Variants in NRG3 observed in about 807,000 individuals in gnomAD.
NRG3 encodes the protein pro-neuregulin-3, membrane-bound isoform.
Under a neutral mutation model 66.9 loss-of-function variants are expected in NRG3, and 31 were observed. That is an observed-to-expected ratio of 0.46 (90% CI 0.35 to 0.63). The LOEUF (loss-of-function observed/expected upper bound fraction) is 0.63. NRG3 is among the 20% of genes least tolerant of loss of function. The pLI, the probability that NRG3 is intolerant of heterozygous loss-of-function variation, is 0.00. For missense variants in NRG3, 910 were observed against 878.9 expected (o/e 1.04, Z -0.45); for synonymous variants, 393 against 359.4 (o/e 1.09, Z -1.06).
At chr10:82,362,848 G>T (rs2084276598) in intron 2 of NRG3, among the ~76,000 whole-genome samples, 1 of 152,072 alleles carries the variant, frequency 6.6e-6, no homozygotes, top group South Asian at 2.1e-4. Context: ...AATAGAATCA[G>T]AAGTGTATGT....
intron 2 of NRG3, among the ~76,000 whole-genome samples, chr10:82,701,058 T>C (rs2055833801): frequency 6.6e-6 from 1 of 151,938 alleles, no homozygotes; most frequent in African/African-American, 2.4e-5. Context: ...TAATAAATTA[T>C]ATATTATAGA....
At chr10:82,865,713 A>G (rs148003276) in intron 4 of NRG3, among the ~76,000 whole-genome samples, 369 of 152,274 alleles carry the variant, frequency 2.4e-3, no homozygotes, top group African/African-American at 8.5e-3. Context: ...CTAATTCTCA[A>G]TTTTCATATC....
At chr10:82,505,691 A>G (rs187260689) in intron 2 of NRG3, among the ~76,000 whole-genome samples, 1 of 152,298 alleles carries the variant, frequency 6.6e-6, no homozygotes, top group East Asian at 1.9e-4. Flanking sequence ...GGATACTGCA[A>G]TGCAAAGTCT....
At chr10:82,317,189 C>G (rs941384254) in intron 1 of NRG3, among the ~76,000 whole-genome samples, 1 of 150,002 alleles carries the variant, frequency 6.7e-6, no homozygotes, top group Non-Finnish European at 1.5e-5. Context: ...TTCAATATGT[C>G]TAAGGTAGAA....
chr10:82,261,763 T>C (rs1032804165), intron 1 of NRG3, among the ~76,000 whole-genome samples: 1 of 152,208 alleles, frequency 6.6e-6, no homozygotes, highest in Non-Finnish European at 1.5e-5. Flanking sequence ...TCACTCATGC[T>C]ATTTTTTTGT....
At chr10:82,898,695 T>G (rs984692070) in intron 4 of NRG3, among the ~76,000 whole-genome samples, 2 of 149,878 alleles carry the variant, frequency 1.3e-5, no homozygotes, top group African/African-American at 4.9e-5. Flanking sequence ...TGGGGCTGAA[T>G]AGAAGGCCAG....
chr10:82,197,640 G>T (rs2074516534), intron 1 of NRG3, among the ~76,000 whole-genome samples: 1 of 152,072 alleles, frequency 6.6e-6, no homozygotes, highest in Non-Finnish European at 1.5e-5. Flanking sequence ...TGTTATGCCT[G>T]TATTTGTGTA....
At chr10:82,097,418 ATCTGT>A (rs1172320792) in intron 1 of NRG3, among the ~76,000 whole-genome samples, 2 of 79,878 alleles carry the variant, frequency 2.5e-5, no homozygotes, top group African/African-American at 1.2e-4. Flanking sequence ...ATATATATAT[ATCTGT>A]AATATATATA....
intron 1 of NRG3, among the ~76,000 whole-genome samples, chr10:82,242,717 TGA>T: frequency 6.6e-6 from 1 of 151,998 alleles, no homozygotes; most frequent in African/African-American, 2.4e-5. Context: ...GGTGGGGGTG[TGA>T]GAGAGAGTAA....
chr10:82,521,542 G>A (rs1015934587), intron 2 of NRG3, among the ~76,000 whole-genome samples: 2 of 151,884 alleles, frequency 1.3e-5, no homozygotes, highest in East Asian at 1.9e-4. Context: ...GGGTTTCACC[G>A]TGTTAGCCAG....
chr10:82,388,761 C>A (rs2086171102), intron 2 of NRG3, among the ~76,000 whole-genome samples: 1 of 152,166 alleles, frequency 6.6e-6, no homozygotes, highest in Admixed American at 6.5e-5. Flanking sequence ...CTTCCTGTGT[C>A]CCCAAGATGG....
chr10:82,461,621 A>G (rs2091519145), intron 2 of NRG3, among the ~76,000 whole-genome samples: 1 of 152,220 alleles, frequency 6.6e-6, no homozygotes, highest in African/African-American at 2.4e-5. Flanking sequence ...CACATATTCA[A>G]GCTGGTATTT....
intron 2 of NRG3, among the ~76,000 whole-genome samples, chr10:82,718,359 A>G (rs895113966): frequency 8.5e-5 from 13 of 152,340 alleles, no homozygotes; most frequent in African/African-American, 3.1e-4. Flanking sequence ...CAAGAACACG[A>G]TGATCATATT....
At chr10:82,371,937 C>T (rs1179537578) in intron 2 of NRG3, among the ~76,000 whole-genome samples, 1 of 152,116 alleles carries the variant, frequency 6.6e-6, no homozygotes, top group Non-Finnish European at 1.5e-5. Context: ...TCAAATACCT[C>T]CCAATAGGCC....
intron 1 of NRG3, among the ~76,000 whole-genome samples, chr10:82,009,962 A>C (rs1041588664): frequency 3.9e-5 from 6 of 152,202 alleles, no homozygotes; most frequent in Non-Finnish European, 7.3e-5. Flanking sequence ...TACTCAGTGA[A>C]AGAAGTAGAA....
intron 1 of NRG3, among the ~76,000 whole-genome samples, chr10:82,156,909 C>T (rs2071233363): frequency 6.6e-6 from 1 of 151,690 alleles, no homozygotes; most frequent in Non-Finnish European, 1.5e-5. Flanking sequence ...CATAGGAGTT[C>T]ATACATGGGG....
intron 1 of NRG3, among the ~76,000 whole-genome samples, chr10:81,998,435 T>C (rs188916342): frequency 1.3e-5 from 2 of 152,286 alleles, no homozygotes; most frequent in East Asian, 3.9e-4. Flanking sequence ...GGTATGCTGT[T>C]GTCTTCATGT....
chr10:82,398,534 A>T lies in NRG3; in HGVS notation c.953+39666A>T, dbSNP rs1426762615. 1.5e-3 allele frequency among the ~76,000 whole-genome samples: 225 copies of T among 151,090 alleles called. 2 individuals carry two copies. The highest frequency in any genetic ancestry group is 5.3e-3 in the African/African-American group (218 of 40,996). On this transcript the variant is annotated intron_variant, in intron 2 of 8. Coordinates refer to ENST00000372141, the MANE Select transcript of NRG3 (RefSeq NM_001010848.4). ...GTGTGTGTGTGTGTGTGTGAGAGAG[A>T]GAGAGAGAGAGTATGAGTGTGTGCC...
intron 1 of NRG3, among the ~76,000 whole-genome samples, chr10:81,914,079 G>A (rs896743154): frequency 3.3e-5 from 5 of 152,024 alleles, no homozygotes; most frequent in Non-Finnish European, 5.9e-5. Flanking sequence ...TAAATATATC[G>A]ACCATCACCT....
Sources: gnomAD v4.1 joint callset for allele counts (sites outside exome capture counted in the v4.1 genomes callset) on GRCh38, gnomAD v4.1.1 for gene constraint, MANE v1.5 for transcripts, NCBI Gene and HGNC (gene_info 2026-07-23, HGNC 2026-07-21) for gene names.